Variants in SLC10A7 observed in about 807,000 individuals in gnomAD.
SLC10A7 encodes sodium/bile acid cotransporter 7.
SLC10A7 carries 29 observed loss-of-function variants against 43.2 expected under a neutral mutation model. The ratio of observed to expected loss-of-function variants is 0.67; its 90% CI spans 0.50 to 0.92. The LOEUF is 0.92. Ranked by LOEUF, SLC10A7 falls within the 40% of genes least tolerant of loss-of-function variation. SLC10A7 has a pLI of 0.00. For synonymous variants in SLC10A7, 152 were observed against 144.8 expected, an observed-to-expected ratio of 1.05 and a Z score of -0.35; for missense variants, 295 against 403.2, an observed-to-expected ratio of 0.73 and a Z score of 2.30.
chr4:146,422,698 C>G (rs1729044447), intron 5 of SLC10A7, among the ~76,000 whole-genome samples: 1 of 152,046 alleles, frequency 6.6e-6, no homozygotes, highest in Non-Finnish European at 1.5e-5. Flanking sequence ...TGTATTTTGT[C>G]TACAATGTGC....
intron 10 of SLC10A7, among the ~76,000 whole-genome samples, chr4:146,275,043 G>A (rs1729121770): frequency 6.6e-6 from 1 of 152,146 alleles, no homozygotes; most frequent in Non-Finnish European, 1.5e-5. Context: ...CCTGAGAGGT[G>A]ACTCTAGATG....
intron 4 of SLC10A7, among the ~76,000 whole-genome samples, chr4:146,469,623 A>G (rs1304498133): frequency 6.6e-6 from 1 of 151,996 alleles, no homozygotes; most frequent in Non-Finnish European, 1.5e-5. Flanking sequence ...CATGTATAAA[A>G]CCCAAAGATT....
At chr4:146,453,192 C>T (rs1448456946) in intron 4 of SLC10A7, among the ~76,000 whole-genome samples, 2 of 151,806 alleles carry the variant, frequency 1.3e-5, no homozygotes, top group African/African-American at 2.4e-5. Context: ...TAGGGGGTTG[C>T]TATCCTTGTT....
In SLC10A7 at chr4:146,421,980, C is replaced by T. The variant is rs577495569; in HGVS notation, c.435+20803G>A. ...TCTTTCTCTGAGTGTTTTACTTAGG[C>T]ACATCTCCTTTCTTCGATTACACTC... On this transcript the variant is annotated intron_variant, in intron 5 of 11. Transcript: ENST00000335472. Among the ~76,000 whole-genome samples, 237 of 152,232 alleles carry T rather than the reference C, an allele frequency of 1.6e-3. 1 individual carries two copies. The highest frequency in any genetic ancestry group is 5.3e-3 in the African/African-American group (221 of 41,538).
At chr4:146,304,297 A>T (rs527395710) in intron 7 of SLC10A7, among the ~76,000 whole-genome samples, 5 of 151,678 alleles carry the variant, frequency 3.3e-5, no homozygotes, top group Non-Finnish European at 7.4e-5. Context: ...CCAACCAAAG[A>T]CAGATGCTTG....
chr4:146,372,252 A>C (rs1231397978), intron 5 of SLC10A7, among the ~76,000 whole-genome samples: 1 of 151,926 alleles, frequency 6.6e-6, no homozygotes, highest in Non-Finnish European at 1.5e-5. Context: ...TCAGGAGTTC[A>C]AGACCAGCCT....
chr4:146,327,849 G>A (rs370893858), intron 5 of SLC10A7, among the ~76,000 whole-genome samples: 16 of 152,152 alleles, frequency 1.1e-4, no homozygotes, highest in African/African-American at 3.9e-4. Context: ...CCATTGGGGG[G>A]CCTGAGAATA....
intron 5 of SLC10A7, among the ~76,000 whole-genome samples, chr4:146,364,922 A>T (rs1464268457): frequency 6.6e-6 from 1 of 152,094 alleles, no homozygotes; most frequent in African/African-American, 2.4e-5. Context: ...ACATATCTAT[A>T]AAAGTTAAAA....
At chr4:146,368,618 A>G (rs1736555565) in intron 5 of SLC10A7, among the ~76,000 whole-genome samples, 1 of 152,224 alleles carries the variant, frequency 6.6e-6, no homozygotes, top group South Asian at 2.1e-4. Flanking sequence ...TAAAAACCAT[A>G]AAAGAATACA....
intron 5 of SLC10A7, among the ~76,000 whole-genome samples, chr4:146,326,918 ACACACACACACAC>A (rs1248137731): frequency 1.2e-3 from 1 of 818 alleles, no homozygotes; most frequent in African/African-American, 5.0e-3. Flanking sequence ...AGAGGGACAG[ACACACACACACAC>A]ACACACACAC....
chr4:146,402,248 A>T (rs1464429902), intron 5 of SLC10A7, among the ~76,000 whole-genome samples: 1 of 152,184 alleles, frequency 6.6e-6, no homozygotes, highest in African/African-American at 2.4e-5. Context: ...TGTATTTTTA[A>T]AACATCAGGC....
At position 146,474,452 on chromosome 4, in the gene SLC10A7, G is replaced by A. The variant is rs528877297; in HGVS notation, c.396+29397C>T. On this transcript the variant is annotated intron_variant, in intron 4 of 11. Coordinates refer to ENST00000335472, the MANE Select transcript of SLC10A7 (RefSeq NM_001029998.6). ...AATCAACAGCAGCCATGTGGTGACA[G>A]GATAAATAGTGGCCAGACTTTACCA... Among the ~76,000 whole-genome samples the A allele has an allele frequency of 3.9e-5, 6 of 152,166 alleles. No homozygotes were observed. The South Asian group carries it at 1.2e-3, about 32-fold the overall frequency.
chr4:146,450,662 T>C (rs949747756), intron 4 of SLC10A7, among the ~76,000 whole-genome samples: 1 of 152,152 alleles, frequency 6.6e-6, no homozygotes, highest in African/African-American at 2.4e-5. Context: ...ACTGGAAAAC[T>C]CTACTTACAA....
chr4:146,514,130 A>G (rs1430997106), intron 2 of SLC10A7: 1 of 152,232 alleles, frequency 6.6e-6, no homozygotes, highest in East Asian at 1.9e-4. Flanking sequence ...AGTCAGGCTC[A>G]TAGCTCTGGG....
chr4:146,273,057 A>G (rs1728991503), intron 10 of SLC10A7, among the ~76,000 whole-genome samples: 1 of 152,156 alleles, frequency 6.6e-6, no homozygotes, highest in African/African-American at 2.4e-5. Flanking sequence ...CATCTCTATT[A>G]TAAGGTATTT....
At chr4:146,463,503 G>A (rs1010794473) in intron 4 of SLC10A7, among the ~76,000 whole-genome samples, 14 of 152,260 alleles carry the variant, frequency 9.2e-5, no homozygotes, top group Middle Eastern at 6.8e-3. Flanking sequence ...CACTTTGGGA[G>A]GCCGAGGTAG....
At chr4:146,375,538 C>T (rs919764962) in intron 5 of SLC10A7, among the ~76,000 whole-genome samples, 7 of 152,318 alleles carry the variant, frequency 4.6e-5, no homozygotes, top group Admixed American at 2.0e-4. Flanking sequence ...CTCCCTTTAA[C>T]GTATAAGCAT....
intron 5 of SLC10A7, among the ~76,000 whole-genome samples, chr4:146,337,692 G>A (rs942282665): frequency 6.6e-6 from 1 of 151,782 alleles, no homozygotes; most frequent in Non-Finnish European, 1.5e-5. Context: ...AATTTTATAG[G>A]TGAGAATAGA....
chr4:146,350,798 C>A (rs1465260758), intron 5 of SLC10A7, among the ~76,000 whole-genome samples: 5 of 110,906 alleles, frequency 4.5e-5, no homozygotes, highest in African/African-American at 2.1e-4. Flanking sequence ...GCAGGGTATT[C>A]CAACAGACCT....
Sources: gnomAD v4.1 joint callset for allele counts (sites outside exome capture counted in the v4.1 genomes callset) on GRCh38, gnomAD v4.1.1 for gene constraint, MANE v1.5 for transcripts, NCBI Gene and HGNC (gene_info 2026-07-23, HGNC 2026-07-21) for gene names.